The following HDAC8 variants were observed in gnomAD, a reference collection of about 807,000 sequenced individuals.
The protein encoded by HDAC8 is histone deacetylase 8, also known as histone deacetylase-like 1.
In HDAC8, 1 loss-of-function variant was observed where a neutral mutation model predicts 32.2. That is an observed-to-expected ratio of 0.03 (90% confidence interval 0.01 to 0.15). The LOEUF (loss-of-function observed/expected upper bound fraction) is 0.15, where lower values mean the gene tolerates loss of function less well. Among genes scored for constraint, HDAC8 ranks in the 10% least tolerant of loss-of-function variants. The pLI is 1.00. For synonymous variants in HDAC8, 108 were observed against 113.9 expected, an observed-to-expected ratio of 0.95 and a Z score of 0.33; for missense variants, 117 against 300.0, an observed-to-expected ratio of 0.39 and a Z score of 4.51.
chrX:72,551,079 G>A (rs1383699141), intron 4 of HDAC8, among the ~76,000 whole-genome samples: 2 of 96,410 alleles, frequency 2.1e-5, no homozygotes, highest in Non-Finnish European at 4.3e-5. Flanking sequence ...TGAAGTCAGC[G>A]CACACACACA....
chrX:72,383,533 G>A (rs1387729315), intron 9 of HDAC8, among the ~76,000 whole-genome samples: 1 of 112,066 alleles, frequency 8.9e-6, no homozygotes, highest in East Asian at 2.8e-4. Context: ...TTGAGGTTTC[G>A]TTCTTCACAA....
At chrX:72,354,503 A>T (rs1555949982) in intron 9 of HDAC8, among the ~76,000 whole-genome samples, 1 of 112,568 alleles carries the variant, frequency 8.9e-6, no homozygotes, top group African/African-American at 3.2e-5. Flanking sequence ...TTAGCTAGCC[A>T]TATAGCTAAT....
intron 4 of HDAC8, among the ~76,000 whole-genome samples, chrX:72,552,814 T>C (rs1300484171): frequency 1.1e-5 from 1 of 90,830 alleles, no homozygotes; most frequent in East Asian, 5.4e-4. Flanking sequence ...TGTGTATATA[T>C]ACGTATATAT....
intron 4 of HDAC8, among the ~76,000 whole-genome samples, chrX:72,513,194 T>C (rs1388123975): frequency 8.9e-6 from 1 of 112,233 alleles, no homozygotes; most frequent in Admixed American, 9.5e-5. Context: ...TCAAACTAGT[T>C]TGCAATGATT....
intron 4 of HDAC8, among the ~76,000 whole-genome samples, chrX:72,561,249 A>G (rs2051552127): frequency 8.9e-6 from 1 of 112,412 alleles, no homozygotes; most frequent in Non-Finnish European, 1.9e-5. Flanking sequence ...CTAAGCAAAA[A>G]GAACAAATCT....
intron 4 of HDAC8, among the ~76,000 whole-genome samples, chrX:72,508,476 A>G (rs782079894): frequency 8.9e-6 from 1 of 112,499 alleles, no homozygotes; most frequent in South Asian, 3.7e-4. Context: ...CTTGAATTTG[A>G]ATTTTTAAAA....
intron 9 of HDAC8, among the ~76,000 whole-genome samples, chrX:72,385,279 A>G (rs782320585): frequency 1.8e-5 from 2 of 111,160 alleles, no homozygotes; most frequent in African/African-American, 3.3e-5. Context: ...CCTGGGCACC[A>G]TAGCAAGATC....
At position 72,329,945 on chromosome X, in the gene HDAC8, T is replaced by C. The variant is rs2043470911; in HGVS notation, c.*109A>G. On this transcript the variant is annotated 3_prime_UTR_variant, in exon 11 of 11. Transcript: ENST00000373573. The stretch of plus-strand genomic sequence containing the variant: ...TTGGAAATTTTCAGGAAGTAATTTC[T>C]TTCAAATTTTCCCTGCAGTCACAAA... The C allele has an allele frequency of 1.1e-6, 1 of 913,292 alleles. No homozygotes were observed. The highest frequency in any genetic ancestry group is 2.0e-5 in the African/African-American group (1 of 50,369). The allele number at this position is 913,292 out of a possible 1,213,427, so 75.3% of individuals were successfully genotyped here.
chrX:72,470,898 A>G (rs1484070728), intron 7 of HDAC8, among the ~76,000 whole-genome samples: 1 of 111,918 alleles, frequency 8.9e-6, no homozygotes, highest in Non-Finnish European at 1.9e-5. Context: ...AAAGTGTACA[A>G]TTCAATGGCT....
chrX:72,372,873 C>T (rs1555956876), intron 9 of HDAC8, among the ~76,000 whole-genome samples: 4 of 111,194 alleles, frequency 3.6e-5, no homozygotes, highest in African/African-American at 1.3e-4. Context: ...ACAGTAAATA[C>T]TGTATAAGGA....
chrX:72,555,256 T>C (rs1194385490), intron 4 of HDAC8, among the ~76,000 whole-genome samples: 1 of 111,975 alleles, frequency 8.9e-6, no homozygotes, highest in Non-Finnish European at 1.9e-5. Context: ...ACAGCAGCGC[T>C]TGAATCCCAG....
chrX:72,482,983 G>A (rs1370559111), intron 7 of HDAC8, among the ~76,000 whole-genome samples: 1 of 111,841 alleles, frequency 8.9e-6, no homozygotes, highest in Non-Finnish European at 1.9e-5. Flanking sequence ...TTCCCTTAGA[G>A]TTAAGCTCCA....
chrX:72,498,081 T>C (rs1556014189), intron 4 of HDAC8, among the ~76,000 whole-genome samples: 1 of 109,072 alleles, frequency 9.2e-6, no homozygotes, highest in Non-Finnish European at 1.9e-5. Flanking sequence ...GTTTGATGAG[T>C]TGATTTACAA....
At chrX:72,408,499 C>T (rs183141613) in intron 9 of HDAC8, among the ~76,000 whole-genome samples, 5 of 111,283 alleles carry the variant, frequency 4.5e-5, no homozygotes, top group Admixed American at 1.9e-4. Flanking sequence ...CTCTGCCTCC[C>T]GGGTTCAAGT....
rs369920081 is a variant in HDAC8, at chrX:72,340,195, G to A, written c.1112-10119C>T. On this transcript the variant is annotated intron_variant, in intron 10 of 10. Transcript: ENST00000373573. ...GCTGGCTTCATGTGGAAGGATGGGC[G>A]CAAGTAACTGTAGAGGTGACATCAC... 1.1e-4 allele frequency among the ~76,000 whole-genome samples: 12 copies of A among 111,862 alleles called. No individual in the cohort carries two copies. In the East Asian group the frequency reaches 1.4e-3, roughly 13 times the overall value.
At chrX:72,554,490 G>GGCGGGGGGA (rs199670604) in intron 4 of HDAC8, among the ~76,000 whole-genome samples, 2 of 84,581 alleles carry the variant, frequency 2.4e-5, no homozygotes, top group East Asian at 7.3e-4. Context: ...GAGCGGGTAG[G>GGCGGGGGGA]GCGGGGGGAG....
intron 9 of HDAC8, among the ~76,000 whole-genome samples, chrX:72,458,789 G>A (rs1452253500): frequency 1.8e-5 from 2 of 111,829 alleles, no homozygotes; most frequent in African/African-American, 6.5e-5. Context: ...CGTTTCTCAA[G>A]TCTCTCCTCT....
At chrX:72,546,178 C>CA (rs1321611751) in intron 4 of HDAC8, among the ~76,000 whole-genome samples, 3 of 111,493 alleles carry the variant, frequency 2.7e-5, no homozygotes, top group Non-Finnish European at 3.8e-5. Context: ...CTTGCCAAGA[C>CA]AAACAGCATA....
At chrX:72,479,247 C>T (rs1381070418) in intron 7 of HDAC8, among the ~76,000 whole-genome samples, 2 of 111,570 alleles carry the variant, frequency 1.8e-5, no homozygotes, top group African/African-American at 6.5e-5. Flanking sequence ...ACTGAAGGGA[C>T]AGAGCAGTGA....
Sources: gnomAD v4.1 joint callset for allele counts (sites outside exome capture counted in the v4.1 genomes callset) on GRCh38, gnomAD v4.1.1 for gene constraint, MANE v1.5 for transcripts, NCBI Gene and HGNC (gene_info 2026-07-23, HGNC 2026-07-21) for gene names.